Variants in CASK observed in about 807,000 individuals in gnomAD.
The protein encoded by CASK is calcium/calmodulin dependent serine protein kinase.
Under a neutral mutation model 82.9 loss-of-function variants are expected in CASK, and 4 were observed. That is an observed-to-expected ratio of 0.05 (90% CI 0.02 to 0.11). CASK has a LOEUF of 0.11. CASK is among the 10% of genes least tolerant of loss of function. CASK has a pLI of 1.00. For synonymous variants in CASK, 259 were observed against 253.5 expected (o/e 1.02, Z -0.20); for missense variants, 358 against 720.9 (o/e 0.50, Z 5.76).
chrX:41,914,425 A>T (rs964565031), intron 1 of CASK, among the ~76,000 whole-genome samples: 2 of 112,586 alleles, frequency 1.8e-5, no homozygotes, highest in Non-Finnish European at 3.8e-5. Flanking sequence ...ATACCAAAAA[A>T]CTGGCTTATG....
chrX:41,676,060 T>C, intron 5 of CASK: 3 of 1,202,286 alleles, frequency 2.5e-6, no homozygotes, highest in Non-Finnish European at 3.4e-6. Flanking sequence ...ATGCTTGTTG[T>C]GACTGATCCA....
At chrX:41,642,080 C>A (rs1404759641) in intron 8 of CASK, among the ~76,000 whole-genome samples, 1 of 110,664 alleles carries the variant, frequency 9.0e-6, no homozygotes, top group Non-Finnish European at 1.9e-5. Flanking sequence ...TGAACTCACC[C>A]TTTTTTAAGG....
chrX:41,772,527 G>T (rs1424712935), intron 3 of CASK, among the ~76,000 whole-genome samples: 1 of 110,554 alleles, frequency 9.0e-6, no homozygotes, highest in East Asian at 2.8e-4. Context: ...TGAACTTTAT[G>T]CCAAAACTGT....
chrX:41,857,932 A>G (rs375530375), intron 1 of CASK, among the ~76,000 whole-genome samples: 3 of 112,160 alleles, frequency 2.7e-5, no homozygotes, highest in South Asian at 3.7e-4. Flanking sequence ...CTAGAAGACA[A>G]TAGAGCAACA....
intron 21 of CASK, among the ~76,000 whole-genome samples, chrX:41,549,833 T>C (rs1372619274): frequency 9.6e-6 from 1 of 103,718 alleles, no homozygotes; most frequent in Non-Finnish European, 2.0e-5. Flanking sequence ...GAGAGGGACC[T>C]TGACTTTAGA....
At chrX:41,894,278 C>G (rs2072230599) in intron 1 of CASK, among the ~76,000 whole-genome samples, 1 of 110,734 alleles carries the variant, frequency 9.0e-6, no homozygotes, top group African/African-American at 3.3e-5. Flanking sequence ...AAGGACTCAA[C>G]AGCAAGTTTA....
rs1200999966 is a variant in CASK at position 41,520,163 on chromosome X, T to C, written c.*257A>G. ...TCCAAAAATATAACATTCCAAAGGA[T>C]TGAATAATACATACATTTAAAGATA... On this transcript the variant is annotated 3_prime_UTR_variant, in exon 27 of 27. Transcript: ENST00000378163. The C allele has an allele frequency of 3.6e-6, 1 of 274,028 alleles. No homozygotes were observed. The highest frequency in any genetic ancestry group is 6.4e-6 in the Non-Finnish European group (1 of 155,683). The allele number at this position is 274,028 out of a possible 1,213,427, so 22.6% of individuals were successfully genotyped here.
At chrX:41,880,876 G>C (rs1041306168) in intron 1 of CASK, among the ~76,000 whole-genome samples, 5 of 111,462 alleles carry the variant, frequency 4.5e-5, no homozygotes, top group African/African-American at 1.6e-4. Flanking sequence ...ATATCTCTTA[G>C]ATCCTCTGAA....
intron 3 of CASK, among the ~76,000 whole-genome samples, chrX:41,769,679 T>C (rs959619035): frequency 4.5e-5 from 5 of 111,446 alleles, no homozygotes; most frequent in South Asian, 7.7e-4. Flanking sequence ...CCAGGCACAG[T>C]GGCTCATGCC....
At chrX:41,709,195 C>T (rs2067932670) in intron 5 of CASK, among the ~76,000 whole-genome samples, 2 of 111,938 alleles carry the variant, frequency 1.8e-5, no homozygotes, top group Non-Finnish European at 3.8e-5. Context: ...ACCAAGGAAA[C>T]AGCTGATTTA....
intron 8 of CASK, among the ~76,000 whole-genome samples, chrX:41,655,676 C>A (rs2066927703): frequency 9.0e-6 from 1 of 111,519 alleles, no homozygotes; most frequent in South Asian, 3.8e-4. Context: ...TGGGATTCTA[C>A]TGACACTTGG....
chrX:41,788,307 A>G (rs1402526798), intron 2 of CASK, among the ~76,000 whole-genome samples: 4 of 111,383 alleles, frequency 3.6e-5, no homozygotes, highest in African/African-American at 6.5e-5. Flanking sequence ...TAATATCATC[A>G]TCATCATCAT....
intron 8 of CASK, among the ~76,000 whole-genome samples, chrX:41,658,086 A>G (rs2066972191): frequency 8.9e-6 from 1 of 111,886 alleles, no homozygotes; most frequent in Admixed American, 9.4e-5. Flanking sequence ...AGCTGTACAC[A>G]TGGAGGTTCC....
At chrX:41,576,225 G>A (rs756339900) in intron 15 of CASK, among the ~76,000 whole-genome samples, 123 of 110,469 alleles carry the variant, frequency 1.1e-3, no homozygotes, top group African/African-American at 3.7e-3. Context: ...CACCCGCCTC[G>A]TCCTCCCAAA....
At chrX:41,896,891 T>C (rs1248048252) in intron 1 of CASK, among the ~76,000 whole-genome samples, 2 of 112,215 alleles carry the variant, frequency 1.8e-5, no homozygotes, top group Non-Finnish European at 3.8e-5. Flanking sequence ...TTATTCATTC[T>C]ATCTAACTAT....
At chrX:41,870,059 G>C (rs1228415169) in intron 1 of CASK, among the ~76,000 whole-genome samples, 1 of 109,562 alleles carries the variant, frequency 9.1e-6, no homozygotes, top group Non-Finnish European at 1.9e-5. Flanking sequence ...GAATGAGTTA[G>C]AGAAAATCTA....
chrX:41,779,305 T>C (rs1225445364), intron 3 of CASK, among the ~76,000 whole-genome samples: 1 of 112,280 alleles, frequency 8.9e-6, no homozygotes, highest in Non-Finnish European at 1.9e-5. Flanking sequence ...TTGGCACCAT[T>C]TCACATGTGT....
At chrX:41,530,728 C>T (rs927277892) in intron 25 of CASK, among the ~76,000 whole-genome samples, 11 of 112,087 alleles carry the variant, frequency 9.8e-5, no homozygotes, top group South Asian at 3.7e-4. Flanking sequence ...TTCTGGCAGG[C>T]GTAGACACAA....
chrX:41,540,150 G>A (rs2147106862), intron 22 of CASK, among the ~76,000 whole-genome samples: 1 of 112,009 alleles, frequency 8.9e-6, no homozygotes, highest in South Asian at 3.8e-4. Flanking sequence ...GGAAGGTTCT[G>A]ATGCCCAGAC....
Sources: gnomAD v4.1 joint callset for allele counts (sites outside exome capture counted in the v4.1 genomes callset) on GRCh38, gnomAD v4.1.1 for gene constraint, MANE v1.5 for transcripts, NCBI Gene and HGNC (gene_info 2026-07-23, HGNC 2026-07-21) for gene names.